TAPBPL: variants seen among roughly 807,000 people sequenced by gnomAD.
TAPBPL encodes the protein tapasin-related protein.
TAPBPL carries 32 observed loss-of-function variants against 44.8 expected under a neutral mutation model. The observed-to-expected ratio is 0.71, with a 90% CI of 0.54 to 0.96. TAPBPL has a LOEUF of 0.96. TAPBPL is among the 40% of genes least tolerant of loss of function. The pLI is 0.00. For synonymous variants in TAPBPL, 230 were observed against 240.7 expected (o/e 0.96, Z 0.41); for missense variants, 520 against 586.6 (o/e 0.89, Z 1.17).
In TAPBPL at chr12:6,453,460, G is replaced by C; in HGVS notation, c.309G>C (p.Gln103His). ...IIFEASVDLV[Q>H]IPQAEALLHA... ...GCTTCTCCCCAGTGGACCTGGTCCA[G>C]ATTCCCCAGGCCGAGGCCTTGCTCC... The change falls in exon 3 of 7, where the codon CAG becomes CAC. Residue 103 changes from glutamine (Q) to histidine (H), a missense_variant. Physicochemically the swap from Gln to His is conservative, Grantham distance 24. Transcript: ENST00000266556. This position sits in a 1 kb window ranked among gnomAD's most constrained non-coding sequence, Gnocchi z 4.8. The C allele has an allele frequency of 6.2e-7, 1 of 1,614,168 alleles. No homozygotes were observed. Among genetic ancestry groups the C allele is most frequent in the Non-Finnish European group, 8.5e-7 (1 of 1,180,024 alleles).
chr12:6,456,570 G>A (rs1420771641), intron 3 of TAPBPL, among the ~76,000 whole-genome samples: 1 of 151,986 alleles, frequency 6.6e-6, no homozygotes, highest in Non-Finnish European at 1.5e-5. Flanking sequence ...CTCCATGTTG[G>A]TCAGGCTGGT....
At chr12:6,457,126 C>A (rs1021185831) in intron 3 of TAPBPL, among the ~76,000 whole-genome samples, 1 of 152,188 alleles carries the variant, frequency 6.6e-6, no homozygotes, top group Non-Finnish European at 1.5e-5. Context: ...TTGATGGTAA[C>A]TCTTAATTTT....
downstream of TAPBPL, chr12:6,465,217 C>G (rs1288307705): frequency 4.1e-6 from 2 of 488,850 alleles, no homozygotes; most frequent in Middle Eastern, 3.0e-4. Flanking sequence ...AGAAGGCATT[C>G]CAATAGAGAT....
At chr12:6,462,684 G>A, downstream of TAPBPL, 1 of 865,238 alleles carries the variant, frequency 1.2e-6, no homozygotes, top group Non-Finnish European at 1.8e-6. Context: ...CAAGAGGACG[G>A]ATTCGCTCCA....
At chr12:6,465,361 T>A (rs1160989492), downstream of TAPBPL, 12 of 217,488 alleles carry the variant, frequency 5.5e-5, no homozygotes, top group Non-Finnish European at 9.4e-5. Context: ...GAAAAAAGTA[T>A]ATATATATAT....
chr12:6,462,834 A>T (rs1273121739), downstream of TAPBPL: 1 of 1,606,150 alleles, frequency 6.2e-7, no homozygotes, highest in Admixed American at 1.7e-5. Flanking sequence ...CCAGCTCTTC[A>T]GTCCCGCCCT....
downstream of TAPBPL, chr12:6,466,063 A>G: frequency 1.2e-6 from 2 of 1,612,354 alleles, no homozygotes; most frequent in East Asian, 4.5e-5. Flanking sequence ...AAGGACAACA[A>G]CCAGAGAATC....
chr12:6,457,308 A>G, intron 3 of TAPBPL, 98 bp from the exon 4 acceptor site: 1 of 1,168,018 alleles, frequency 8.6e-7, no homozygotes, highest in Non-Finnish European at 1.2e-6. Flanking sequence ...CAGGCGAGGA[A>G]GAGGCAGGTG....
At chr12:6,470,939 G>A (rs1429984682), downstream of TAPBPL, 6 of 225,968 alleles carry the variant, frequency 2.7e-5, no homozygotes, top group Admixed American at 1.6e-4. Context: ...GTGGAGATGA[G>A]GTCTGTCCCT....
At chr12:6,454,485 CA>C (rs1379823599) in intron 3 of TAPBPL, among the ~76,000 whole-genome samples, 1 of 152,236 alleles carries the variant, frequency 6.6e-6, no homozygotes, top group South Asian at 2.1e-4. Flanking sequence ...ACAACAACAA[CA>C]AAAACCCTGA....
chr12:6,462,121 G>A lies in TAPBPL; in HGVS notation c.1379G>A (p.Arg460His), dbSNP rs141838188. The A allele has an allele frequency of 4.4e-4, 712 of 1,611,872 alleles. 3 individuals carry two copies. In the Admixed American group the frequency reaches 7.4e-3, roughly 17 times the overall value. Residue 460 changes from arginine to histidine, a missense_variant, in exon 7 of 7, where the codon CGC becomes CAC. Coordinates refer to ENST00000266556, the MANE Select transcript of TAPBPL (RefSeq NM_018009.5). ...DTQSSHLHED[R>H]TARVSQPS ...CAGAGCTCCCATCTCCATGAAGACCGCACAGCGCGTGTAAGCCAGCCCAGC... is the reference window on the plus strand; with the variant it reads ...CAGAGCTCCCATCTCCATGAAGACCACACAGCGCGTGTAAGCCAGCCCAGC...
At chr12:6,470,379 T>TG (rs1243200778), downstream of TAPBPL, 5 of 1,191,924 alleles carry the variant, frequency 4.2e-6, no homozygotes, top group East Asian at 1.3e-4. Context: ...CCCCCCTCCC[T>TG]GGGGGTGGCC....
chr12:6,470,395 C>A (rs1565529627), downstream of TAPBPL: 6 of 1,370,844 alleles, frequency 4.4e-6, no homozygotes, highest in East Asian at 1.2e-4. Context: ...TGGCCCGGTC[C>A]GGAAGCGGCG....
chr12:6,461,916 C>T, intron 6 of TAPBPL, 118 bp from the exon 7 acceptor site: 2 of 755,940 alleles, frequency 2.6e-6, no homozygotes, highest in Non-Finnish European at 2.2e-6. Flanking sequence ...ACAGGACAAG[C>T]AGGCCAAGGA....
Position 6,453,420 on chromosome 12 carries a change from C to G in TAPBPL, c.296-27C>G. 1 of 1,612,682 alleles carries G rather than the reference C, an allele frequency of 6.2e-7. No homozygotes were observed. The stretch of plus-strand genomic sequence containing the variant: ...CCTGGTGTTCTCACGCTAATTTGCC[C>G]TCTGTGTGTGCCCTGCTTCTCCCCA... On this transcript the variant is annotated intron_variant, in intron 2 of 6. Coordinates refer to ENST00000266556, the MANE Select transcript of TAPBPL (RefSeq NM_018009.5). The surrounding 1 kb of genome is among the most constrained non-coding windows in gnomAD (Gnocchi z 4.8).
In TAPBPL at chr12:6,462,284, CAT is replaced by C; in HGVS notation, c.*136_*137del. ...TTTTGCCTTTGTTCAGAATACATGA[CAT>C]TGGTAAATATGCCACATGCCTTTGG... is the stretch of plus-strand genomic sequence containing the variant. On this transcript the variant is annotated 3_prime_UTR_variant, in exon 7 of 7. Transcript: ENST00000266556. The C allele has an allele frequency of 1.5e-6, 1 of 670,738 alleles. No individual in the cohort carries two copies. The highest frequency in any genetic ancestry group is 2.0e-5 in the South Asian group (1 of 50,728). 41.5% of individuals were successfully genotyped at this position (670,738 alleles called of 1,614,324 possible).
downstream of TAPBPL, chr12:6,463,465 ATC>A: frequency 9.6e-7 from 1 of 1,040,130 alleles, no homozygotes; most frequent in African/African-American, 1.7e-5. The surrounding 1 kb of genome is among the most constrained non-coding windows in gnomAD (Gnocchi z 4.0). Flanking sequence ...GTGTCCAAAG[ATC>A]TCACACTGCT....
downstream of TAPBPL, chr12:6,462,783 C>T (rs142636658): frequency 4.5e-6 from 7 of 1,566,770 alleles, no homozygotes; most frequent in Non-Finnish European, 6.1e-6. Flanking sequence ...AGAGTGGAGA[C>T]CTTCGAGGGG....
At chr12:6,462,459 T>C (rs1565522721), downstream of TAPBPL, 2 of 494,002 alleles carry the variant, frequency 4.0e-6, no homozygotes, top group Non-Finnish European at 7.2e-6. Flanking sequence ...TCAGCTTCAT[T>C]TGACTGCAAA....
Sources: allele counts gnomAD v4.1 joint callset (sites outside exome capture counted in the v4.1 genomes callset), GRCh38; gene constraint gnomAD v4.1.1; non-coding constraint Gnocchi (gnomAD v3.1); transcripts MANE v1.5; gene names NCBI Gene and HGNC (gene_info 2026-07-23, HGNC 2026-07-21).